CSRNP3: variants seen among roughly 807,000 people sequenced by gnomAD.
CSRNP3 encodes the protein cysteine and serine rich nuclear protein 3.
In CSRNP3, 12 loss-of-function variants were observed where a neutral mutation model predicts 48.0. The observed-to-expected ratio is 0.25, with a 90% CI of 0.16 to 0.41. CSRNP3 has a LOEUF of 0.41. CSRNP3 is among the 10% of genes least tolerant of loss of function. CSRNP3 has a pLI of 1.00. For missense variants in CSRNP3, 580 were observed against 724.4 expected, an observed-to-expected ratio of 0.80 and a Z score of 2.29; for synonymous variants, 263 against 269.7, an observed-to-expected ratio of 0.98 and a Z score of 0.24.
At chr2:165,597,057 A>G (rs1224894116) in intron 4 of CSRNP3, among the ~76,000 whole-genome samples, 2 of 152,168 alleles carry the variant, frequency 1.3e-5, no homozygotes, top group African/African-American at 4.8e-5. Flanking sequence ...GTCCTACCAC[A>G]TAGCCTCTAC....
intron 3 of CSRNP3, among the ~76,000 whole-genome samples, chr2:165,548,376 C>T (rs1434259841): frequency 6.6e-6 from 1 of 151,984 alleles, no homozygotes; most frequent in African/African-American, 2.4e-5. Context: ...TAACATATAC[C>T]TCTCCAAGAT....
chr2:165,489,032 A>G (rs1300278274), intron 1 of CSRNP3, among the ~76,000 whole-genome samples: 10 of 142,612 alleles, frequency 7.0e-5, no homozygotes, highest in Non-Finnish European at 1.5e-4. Flanking sequence ...AGGATCAACA[A>G]AATTGATAGA....
intron 3 of CSRNP3, among the ~76,000 whole-genome samples, chr2:165,587,723 G>T (rs900091033): frequency 6.6e-6 from 1 of 152,154 alleles, no homozygotes; most frequent in Non-Finnish European, 1.5e-5. Context: ...GAAGTCTTTT[G>T]CTTAAGTTAG....
intron 4 of CSRNP3, among the ~76,000 whole-genome samples, chr2:165,597,687 A>G (rs1558945495): frequency 6.6e-6 from 1 of 152,218 alleles, no homozygotes; most frequent in Non-Finnish European, 1.5e-5. Flanking sequence ...AAATATTTAC[A>G]TTATTTTCTG....
chr2:165,599,394 G>A (rs1373510158), intron 4 of CSRNP3, among the ~76,000 whole-genome samples: 1 of 142,222 alleles, frequency 7.0e-6, no homozygotes, highest in Non-Finnish European at 1.5e-5. Context: ...TTTGTTTTGA[G>A]ACAGTGTCTC....
rs545626857 is a variant in CSRNP3 at position 165,556,898 on chromosome 2, A to C, written c.-23-38145A>C. Reference sequence around the variant, plus strand: ...TAGCCTGAACACACTGAAATTACCCAATAGTTGTTTACAGCTGGTACCAGC... The same window carrying C: ...TAGCCTGAACACACTGAAATTACCCCATAGTTGTTTACAGCTGGTACCAGC... On this transcript the variant is annotated intron_variant, in intron 3 of 6. Transcript: ENST00000651982. Among the ~76,000 whole-genome samples the C allele has an allele frequency of 3.9e-5, 6 of 152,318 alleles. No individual in the cohort carries two copies. In the East Asian group the frequency reaches 1.2e-3, roughly 29 times the overall value.
intron 1 of CSRNP3, among the ~76,000 whole-genome samples, chr2:165,474,492 C>T (rs1160624441): frequency 6.6e-6 from 1 of 152,102 alleles, no homozygotes; most frequent in Non-Finnish European, 1.5e-5. Flanking sequence ...TCATGTATTA[C>T]CTTTTCATAT....
At chr2:165,671,073 A>G (rs1687319998) in intron 5 of CSRNP3, among the ~76,000 whole-genome samples, 1 of 152,182 alleles carries the variant, frequency 6.6e-6, no homozygotes, top group South Asian at 2.1e-4. Flanking sequence ...CTTGAGTACC[A>G]TAGAAAACTC....
intron 3 of CSRNP3, among the ~76,000 whole-genome samples, chr2:165,523,087 T>C (rs954244615): frequency 1.3e-5 from 2 of 152,180 alleles, no homozygotes; most frequent in Non-Finnish European, 2.9e-5. Context: ...GTGTGGAAAC[T>C]ACTTGTGAAT....
intron 4 of CSRNP3, among the ~76,000 whole-genome samples, chr2:165,645,535 T>G (rs1479809530): frequency 2.6e-5 from 4 of 152,130 alleles, no homozygotes; most frequent in Non-Finnish European, 5.9e-5. Context: ...AAATTTGAAG[T>G]GCAAGCCCAA....
rs1687476379 is a variant in CSRNP3, at chr2:165,678,971, G to A, written c.976G>A (p.Ala326Thr). 2.5e-6 allele frequency: 4 copies of A among 1,614,022 alleles called. No individual in the cohort carries two copies. The South Asian group carries it at 4.4e-5, about 18-fold the overall frequency. The stretch of plus-strand genomic sequence containing the variant: ...TGAGATTGAAACTGAGCCCCAGGCT[G>A]CAGTGCTGCACCTGCAGTCGGCTGA... ...SFEIETEPQA[A>T]VLHLQSAEEL... The change falls in exon 7 of 7, where the codon GCA becomes ACA. Residue 326 changes from alanine to threonine, a missense_variant. Physicochemically the swap from Ala to Thr is moderately conservative, Grantham distance 58. This residue lies in a region of CSRNP3 where 369 missense variants were observed against 380.8 expected (regional missense o/e 0.97). Transcript: ENST00000651982.
At chr2:165,635,351 A>G (rs575776159) in intron 4 of CSRNP3, among the ~76,000 whole-genome samples, 3 of 152,228 alleles carry the variant, frequency 2.0e-5, no homozygotes, top group Non-Finnish European at 4.4e-5. Context: ...CCTTTTGATG[A>G]CAAGAGCCTG....
At chr2:165,539,853 G>A (rs955993466) in intron 3 of CSRNP3, among the ~76,000 whole-genome samples, 1 of 152,064 alleles carries the variant, frequency 6.6e-6, no homozygotes, top group Admixed American at 6.6e-5. Context: ...ATGTAAGACT[G>A]ATTTTTGCTA....
At chr2:165,508,867 T>G (rs1413919038) in intron 2 of CSRNP3, among the ~76,000 whole-genome samples, 1 of 152,166 alleles carries the variant, frequency 6.6e-6, no homozygotes. Flanking sequence ...GGGTGCTCAT[T>G]TGTTTCGGGT....
chr2:165,556,311 CTGTT>C (rs1685159966), intron 3 of CSRNP3, among the ~76,000 whole-genome samples: 1 of 152,142 alleles, frequency 6.6e-6, no homozygotes, highest in Non-Finnish European at 1.5e-5. Flanking sequence ...TATAGGTTCA[CTGTT>C]TGACACACTG....
intron 3 of CSRNP3, among the ~76,000 whole-genome samples, chr2:165,568,140 C>T (rs552031749): frequency 6.6e-6 from 1 of 152,084 alleles, no homozygotes; most frequent in South Asian, 2.1e-4. Context: ...GCCTTTATTT[C>T]ATGCCCCCAT....
At chr2:165,674,779 A>G (rs1014796462) in intron 5 of CSRNP3, among the ~76,000 whole-genome samples, 1 of 149,186 alleles carries the variant, frequency 6.7e-6, no homozygotes, top group Non-Finnish European at 1.5e-5. Flanking sequence ...TGGTGCAATC[A>G]TGGCTCACTG....
chr2:165,476,394 A>G (rs1174450683), intron 1 of CSRNP3, among the ~76,000 whole-genome samples: 1 of 152,234 alleles, frequency 6.6e-6, no homozygotes, highest in African/African-American at 2.4e-5. Flanking sequence ...TGATATAAAT[A>G]TCACCACAAC....
intron 6 of CSRNP3, among the ~76,000 whole-genome samples, chr2:165,677,862 T>A (rs1156486159): frequency 6.6e-6 from 1 of 152,156 alleles, no homozygotes; most frequent in Non-Finnish European, 1.5e-5. Flanking sequence ...AAGAGGTCAG[T>A]CCAACACTTG....
Sources: allele counts gnomAD v4.1 joint callset (sites outside exome capture counted in the v4.1 genomes callset), GRCh38; gene constraint gnomAD v4.1.1; regional missense constraint gnomAD v4.1.1; transcripts MANE v1.5; gene names NCBI Gene and HGNC (gene_info 2026-07-23, HGNC 2026-07-21).